The following LIG1 variants were observed in gnomAD, a reference collection of about 807,000 sequenced individuals.
LIG1 encodes ligase I, DNA, ATP-dependent.
In LIG1, 70 loss-of-function variants were observed where a neutral mutation model predicts 115.7. The observed-to-expected ratio is 0.60, with a 90% CI of 0.50 to 0.74. LIG1 has a LOEUF of 0.74. LIG1 is among the 30% of genes least tolerant of loss of function. The pLI is 0.00. For missense variants in LIG1, 1,115 were observed against 1,225.6 expected (o/e 0.91, Z 1.35); for synonymous variants, 487 against 495.3 (o/e 0.98, Z 0.22).
At chr19:48,117,904 A>G (rs755198653) in intron 25 of LIG1, 123 bp from the exon 26 acceptor site, 26 of 961,370 alleles carry the variant, frequency 2.7e-5, no homozygotes, top group Non-Finnish European at 3.6e-5. Flanking sequence ...GTAAACAGAA[A>G]TAGGAAGTGA....
chr19:48,128,515 C>T (rs376496291), intron 19 of LIG1, among the ~76,000 whole-genome samples: 1 of 152,214 alleles, frequency 6.6e-6, no homozygotes, highest in African/African-American at 2.4e-5. Context: ...GGTCGTCCCT[C>T]GCCTCACCTG....
In LIG1 at chr19:48,161,252, A is replaced by G; in HGVS notation, c.243+120T>C. On this transcript the variant is annotated intron_variant, in intron 4 of 27. Coordinates refer to ENST00000263274, the MANE Select transcript of LIG1 (RefSeq NM_000234.3). ...TCTGCCCCCGACACAACCAGGAAAC[A>G]CATCTACCTCTCCCGGGCAATTTCT... 2.1e-6 allele frequency: 3 copies of G among 1,431,050 alleles called. No homozygotes were observed. In the South Asian group the frequency reaches 3.5e-5, roughly 16 times the overall value. 88.6% of individuals were successfully genotyped at this position (1,431,050 alleles called of 1,614,324 possible).
At chr19:48,155,990 C>T (rs2035808464) in intron 5 of LIG1, among the ~76,000 whole-genome samples, 1 of 152,186 alleles carries the variant, frequency 6.6e-6, no homozygotes, top group African/African-American at 2.4e-5. Flanking sequence ...ATAGGCTAGA[C>T]CGGACGGCAA....
chr19:48,118,006 C>G, intron 25 of LIG1: 1 of 588,196 alleles, frequency 1.7e-6, no homozygotes, highest in Non-Finnish European at 3.0e-6. Context: ...ACAAGACCCC[C>G]TTGAAGTAAA....
intron 18 of LIG1, among the ~76,000 whole-genome samples, 187 bp downstream of exon 18, chr19:48,132,795 A>AAAAAAAAAAAAAAAAC: frequency 7.1e-6 from 1 of 139,946 alleles, no homozygotes; most frequent in African/African-American, 2.7e-5. Context: ...TGTCTCAAAA[A>AAAAAAAAAAAAAAAAC]AAAAAAAAAA....
intron 5 of LIG1, among the ~76,000 whole-genome samples, chr19:48,155,214 C>A (rs528613220): frequency 2.0e-5 from 3 of 152,268 alleles, no homozygotes; most frequent in African/African-American, 4.8e-5. Flanking sequence ...TCCATGGCTC[C>A]CAGGACCCAC....
intron 21 of LIG1, 137 bp downstream of exon 21, chr19:48,127,140 G>A (rs188668212): frequency 1.3e-6 from 1 of 754,674 alleles, no homozygotes; most frequent in Admixed American, 1.9e-5. Context: ...ACCACACTTT[G>A]AGAACTGCTG....
At chr19:48,150,299 C>T (rs1207437093) in intron 7 of LIG1, 89 bp from the exon 8 acceptor site, 1 of 1,578,146 alleles carries the variant, frequency 6.3e-7, no homozygotes, top group Non-Finnish European at 8.7e-7. Context: ...TCATTCTGAC[C>T]CTGCAGATGG....
rs528501965 is a variant in LIG1, at chr19:48,127,284, T to C, written c.1997A>G (p.Asn666Ser). 9 of 1,612,544 alleles carry C rather than the reference T, an allele frequency of 5.6e-6. No individual in the cohort carries two copies. Among genetic ancestry groups the C allele is most frequent in the South Asian group, 3.3e-5 (3 of 91,062 alleles). The change falls in exon 21 of 28, where the codon AAT becomes AGT. Residue 666 changes from asparagine to serine, a missense_variant. Asn to Ser is a conservative substitution (Grantham distance 46). Coordinates refer to ENST00000263274, the MANE Select transcript of LIG1 (RefSeq NM_000234.3). ...CAGGAAGCTGGAACTCACCTCTCCATTGAGGTAGATGAGGTCGAAGGCGTA... is the reference window on the plus strand; with the variant it reads ...CAGGAAGCTGGAACTCACCTCTCCACTGAGGTAGATGAGGTCGAAGGCGTA... ...CLYAFDLIYL[N>S]GESLVREPLS...
At chr19:48,150,316 T>G in intron 7 of LIG1, 106 bp from the exon 8 acceptor site, 1 of 1,498,658 alleles carries the variant, frequency 6.7e-7, no homozygotes, top group Non-Finnish European at 9.2e-7. Context: ...ATGGAAGATA[T>G]AACTACACCT....
intron 1 of LIG1, among the ~76,000 whole-genome samples, chr19:48,167,456 G>A (rs12978112): frequency 0.3 from 45,877 of 151,682 alleles, 8,122 homozygotes; most frequent in East Asian, 0.55. Context: ...CGCACCACAC[G>A]CCTCTAAGTC....
intron 26 of LIG1, among the ~76,000 whole-genome samples, chr19:48,117,394 A>G (rs1295458500): frequency 6.6e-6 from 1 of 151,892 alleles, no homozygotes; most frequent in East Asian, 1.9e-4. Context: ...TCCTGACCTC[A>G]AGTGATCTGC....
intron 10 of LIG1, 24 bp from the exon 11 acceptor site, chr19:48,143,623 G>C: frequency 1.2e-6 from 2 of 1,600,614 alleles, no homozygotes; most frequent in Non-Finnish European, 1.7e-6. Context: ...AGAGACGCAA[G>C]AGTGACAGTG....
At chr19:48,167,851 C>A (rs894114322) in intron 1 of LIG1, among the ~76,000 whole-genome samples, 1,714 of 128,730 alleles carry the variant, frequency 0.013, 10 homozygotes, top group South Asian at 0.061. Context: ...AAAAAAAAAA[C>A]AAACAAAAAA....
intron 1 of LIG1, chr19:48,169,913 C>T (rs546035652): frequency 0.029 from 3,566 of 123,726 alleles, 280 homozygotes; most frequent in African/African-American, 0.079. Flanking sequence ...CACAGTTTTC[C>T]CCCCCCCGGC....
At chr19:48,130,897 GA>G (rs1301311211) in intron 19 of LIG1, among the ~76,000 whole-genome samples, 178 bp downstream of exon 19, 1 of 152,160 alleles carries the variant, frequency 6.6e-6, no homozygotes, top group Admixed American at 6.5e-5. Flanking sequence ...CTAGATGTGA[GA>G]AAAAATCATA....
At chr19:48,136,889 T>G in intron 14 of LIG1, 119 bp downstream of exon 14, 1 of 840,232 alleles carries the variant, frequency 1.2e-6, no homozygotes, top group Non-Finnish European at 2.0e-6. Flanking sequence ...CTCCTGCTCA[T>G]GCTTTTCTCA....
Position 48,162,358 on chromosome 19 carries a change from G to A in LIG1, c.18-7C>T. ...CTTGGGGTGGAAAAATGACCTAGAG[G>A]AGCATAAAAGGGGGTAAAAAAAGGA... On this transcript the variant is annotated splice_region_variant and splice_polypyrimidine_tract_variant and intron_variant, in intron 2 of 27. Transcript: ENST00000263274. The A allele has an allele frequency of 6.2e-7, 1 of 1,608,312 alleles. No individual in the cohort carries two copies. The highest frequency in any genetic ancestry group is 8.5e-7 in the Non-Finnish European group (1 of 1,175,282).
intron 9 of LIG1, among the ~76,000 whole-genome samples, chr19:48,146,485 G>A (rs1281523670): frequency 1.3e-5 from 2 of 152,214 alleles, no homozygotes. Flanking sequence ...CATGATTAAA[G>A]TTTAAGTCTA....
Sources: gnomAD v4.1 joint callset for allele counts (sites outside exome capture counted in the v4.1 genomes callset) on GRCh38, gnomAD v4.1.1 for gene constraint, MANE v1.5 for transcripts, NCBI Gene and HGNC (gene_info 2026-07-23, HGNC 2026-07-21) for gene names.